The following SYN3 variants were observed in gnomAD, a reference collection of about 807,000 sequenced individuals.
SYN3 encodes synapsin-3.
A neutral mutation model predicts 65.8 loss-of-function variants in SYN3; 35 were observed. That is an observed-to-expected ratio of 0.53 (90% CI 0.41 to 0.70). The LOEUF (loss-of-function observed/expected upper bound fraction) is 0.70, where lower values mean the gene tolerates loss of function less well. SYN3 is among the 30% of genes least tolerant of loss of function. SYN3 has a pLI of 0.00. For missense variants in SYN3, 680 were observed against 749.0 expected (o/e 0.91, Z 1.08); for synonymous variants, 270 against 292.9 (o/e 0.92, Z 0.80).
intron 6 of SYN3, among the ~76,000 whole-genome samples, chr22:32,691,672 C>T (rs1489074683): frequency 4.6e-5 from 7 of 151,726 alleles, no homozygotes; most frequent in South Asian, 2.1e-4. Context: ...GGGGGAGAAA[C>T]GCTTGGCTAA....
intron 6 of SYN3, among the ~76,000 whole-genome samples, chr22:32,597,279 G>A (rs187694024): frequency 5.4e-5 from 7 of 128,648 alleles, no homozygotes; most frequent in Admixed American, 4.1e-4. Context: ...GCAATGGCAC[G>A]ATCTCAGCTC....
intron 12 of SYN3, among the ~76,000 whole-genome samples, chr22:32,527,003 C>G (rs2057989355): frequency 6.6e-6 from 1 of 152,106 alleles, no homozygotes; most frequent in Non-Finnish European, 1.5e-5. Flanking sequence ...ATCAGAGCAG[C>G]TGATATTCTT....
chr22:32,725,559 G>A (rs1272601769), intron 6 of SYN3, among the ~76,000 whole-genome samples: 7 of 152,198 alleles, frequency 4.6e-5, no homozygotes, highest in African/African-American at 1.7e-4. Context: ...GGGCTGATGG[G>A]TCCGTGAAAT....
chr22:33,003,198 T>C (rs1278517965), intron 2 of SYN3, among the ~76,000 whole-genome samples: 2 of 152,154 alleles, frequency 1.3e-5, no homozygotes, highest in Non-Finnish European at 2.9e-5. Context: ...TGGACTAATA[T>C]AGTAAATTGG....
At chr22:32,958,176 C>T (rs1009011089) in intron 3 of SYN3, among the ~76,000 whole-genome samples, 10 of 152,162 alleles carry the variant, frequency 6.6e-5, no homozygotes, top group African/African-American at 1.7e-4. Context: ...TCAGAGAAAA[C>T]ATCCCGTAAA....
intron 6 of SYN3, among the ~76,000 whole-genome samples, chr22:32,686,900 G>A (rs764342909): frequency 6.6e-5 from 10 of 151,718 alleles, no homozygotes; most frequent in South Asian, 2.1e-4. Context: ...TGGCCCAGCC[G>A]CTCCATTTGA....
intron 6 of SYN3, among the ~76,000 whole-genome samples, chr22:32,805,830 T>C (rs1423160033): frequency 1.3e-5 from 2 of 152,152 alleles, no homozygotes; most frequent in South Asian, 2.1e-4. Flanking sequence ...GGAGATGGAA[T>C]GGATGGTTAA....
At chr22:32,844,580 GC>G (rs1280457858) in intron 6 of SYN3, among the ~76,000 whole-genome samples, 1 of 152,142 alleles carries the variant, frequency 6.6e-6, no homozygotes, top group Non-Finnish European at 1.5e-5. Flanking sequence ...ATTCAAGAGG[GC>G]CCCATATATA....
chr22:32,913,828 G>T (rs939978851), intron 4 of SYN3, among the ~76,000 whole-genome samples: 1 of 152,202 alleles, frequency 6.6e-6, no homozygotes, highest in African/African-American at 2.4e-5. Context: ...TTTTGTGGCA[G>T]GTCTCACTGT....
chr22:32,582,552 C>G (rs551843075), intron 7 of SYN3, among the ~76,000 whole-genome samples: 4 of 150,750 alleles, frequency 2.7e-5, no homozygotes, highest in Non-Finnish European at 5.9e-5. Context: ...TTTGTAGAGA[C>G]GGGCTGGGGG....
chr22:32,679,839 C>CTTTTTTTTTTTTTTTTTGTTTTTTTT (rs2060498384), intron 6 of SYN3, among the ~76,000 whole-genome samples: 1 of 39,150 alleles, frequency 2.6e-5, no homozygotes, highest in Non-Finnish European at 4.6e-5. Context: ...TGTTTTTTGG[C>CTTTTTTTTTTTTTTTTTGTTTTTTTT]TTTTTTTTTT....
intron 4 of SYN3, chr22:32,931,123 T>C: frequency 5.4e-6 from 2 of 370,670 alleles, no homozygotes; most frequent in Non-Finnish European, 5.1e-6. Flanking sequence ...CTAAATAATA[T>C]GCCAGAGCAG....
intron 6 of SYN3, among the ~76,000 whole-genome samples, chr22:32,752,577 T>G (rs2045161706): frequency 6.6e-6 from 1 of 152,388 alleles, no homozygotes; most frequent in East Asian, 1.9e-4. Flanking sequence ...GCATTTGTTC[T>G]GAGCACTTGC....
chr22:33,042,114 C>T (rs1174142250), intron 1 of SYN3, among the ~76,000 whole-genome samples: 3 of 152,138 alleles, frequency 2.0e-5, no homozygotes, highest in African/African-American at 4.8e-5. Context: ...ACACAGAGGT[C>T]GTTTCCTCTC....
intron 6 of SYN3, among the ~76,000 whole-genome samples, chr22:32,662,401 G>A (rs1310151506): frequency 6.6e-6 from 1 of 152,132 alleles, no homozygotes; most frequent in Non-Finnish European, 1.5e-5. Context: ...GCCTTTCTTG[G>A]ATTCCCCAGA....
chr22:32,740,351 G>C (rs1427438842), intron 6 of SYN3, among the ~76,000 whole-genome samples: 1 of 152,204 alleles, frequency 6.6e-6, no homozygotes, highest in Admixed American at 6.5e-5. Flanking sequence ...GATGATTACA[G>C]CACAAAAATG....
chr22:33,036,571 C>T (rs1372511514), intron 1 of SYN3, among the ~76,000 whole-genome samples: 1 of 152,074 alleles, frequency 6.6e-6, no homozygotes, highest in East Asian at 1.9e-4. Flanking sequence ...TATCAGCTTC[C>T]CCATATATTT....
intron 4 of SYN3, among the ~76,000 whole-genome samples, chr22:32,903,488 C>A (rs1353720364): frequency 6.6e-6 from 1 of 152,188 alleles, no homozygotes; most frequent in Non-Finnish European, 1.5e-5. Context: ...TTTTCCTCCT[C>A]CTTCTGAGCA....
chr22:32,578,348 G>A (rs1328929293), intron 7 of SYN3, among the ~76,000 whole-genome samples: 1 of 152,000 alleles, frequency 6.6e-6, no homozygotes, highest in Non-Finnish European at 1.5e-5. Flanking sequence ...CCATATTCAG[G>A]TGATCCTCCC....
Sources: allele counts gnomAD v4.1 joint callset (sites outside exome capture counted in the v4.1 genomes callset), GRCh38; gene constraint gnomAD v4.1.1; transcripts MANE v1.5; gene names NCBI Gene and HGNC (gene_info 2026-07-23, HGNC 2026-07-21).